MLIP: variants seen among roughly 807,000 people sequenced by gnomAD.
The protein encoded by MLIP is muscular LMNA interacting protein, also known as muscular LMNA-interacting protein.
In MLIP, 79 loss-of-function variants were observed where a neutral mutation model predicts 84.8. That is an observed-to-expected ratio of 0.93 (90% CI 0.78 to 1.12). The LOEUF (loss-of-function observed/expected upper bound fraction) is 1.12. Among genes scored for constraint, MLIP ranks in the 50% most tolerant of loss-of-function variants. The pLI, the probability that MLIP is intolerant of heterozygous loss-of-function variation, is 0.00. For synonymous variants in MLIP, 504 were observed against 463.0 expected (o/e 1.09, Z -1.14); for missense variants, 1,257 against 1,160.6 (o/e 1.08, Z -1.21).
At chr6:54,187,979 C>T (rs1582443033) in intron 9 of MLIP, among the ~76,000 whole-genome samples, 1 of 152,268 alleles carries the variant, frequency 6.6e-6, no homozygotes, top group Admixed American at 6.5e-5. Flanking sequence ...TGCAATCCAG[C>T]CTGGTGACAG....
chr6:54,047,072 T>A (rs1002197856), intron 1 of MLIP: 1 of 152,228 alleles, frequency 6.6e-6, no homozygotes, highest in Non-Finnish European at 1.5e-5. Context: ...ATATTAATGA[T>A]CCTCGAATGA....
rs1200181520 is a variant in MLIP, at chr6:54,078,158, A to G, written c.64-43289A>G. ...TCTTACTGTCATCGATTAGGTTAAC[A>G]GTGTTTGAAAATGGATTTGTAATCA... On this transcript the variant is annotated intron_variant, in intron 1 of 12. Coordinates refer to the MLIP transcript ENST00000274897. Among the ~76,000 whole-genome samples the G allele has an allele frequency of 2.0e-5, 3 of 152,310 alleles. No individual in the cohort carries two copies. In the East Asian group the frequency reaches 5.8e-4, roughly 29 times the overall value.
chr6:54,264,588 G>C (rs1783581750), intron 13 of MLIP, among the ~76,000 whole-genome samples: 1 of 152,078 alleles, frequency 6.6e-6, no homozygotes, highest in Non-Finnish European at 1.5e-5. Flanking sequence ...CACTTAAAAA[G>C]TATTAGCCAA....
chr6:54,197,344 C>G (rs1339813079), intron 10 of MLIP, among the ~76,000 whole-genome samples: 5 of 151,984 alleles, frequency 3.3e-5, no homozygotes, highest in Non-Finnish European at 7.4e-5. Context: ...GGATTGTGAA[C>G]CCTCTGAAAA....
chr6:54,122,027 A>T (rs1372914121), intron 2 of MLIP, among the ~76,000 whole-genome samples: 1 of 152,228 alleles, frequency 6.6e-6, no homozygotes, highest in Non-Finnish European at 1.5e-5. Flanking sequence ...AAATATTGGC[A>T]TGCTTACACT....
intron 1 of MLIP, among the ~76,000 whole-genome samples, chr6:54,086,577 G>A (rs1767504892): frequency 6.6e-6 from 1 of 152,262 alleles, no homozygotes; most frequent in South Asian, 2.1e-4. Context: ...TATTTCAATA[G>A]TTTCTCATCT....
intron 13 of MLIP, among the ~76,000 whole-genome samples, chr6:54,259,737 T>C (rs771530378): frequency 4.1e-4 from 62 of 152,008 alleles, no homozygotes; most frequent in African/African-American, 1.3e-3. Flanking sequence ...TAGTAAAAAA[T>C]GTAAATAATT....
chr6:54,128,465 A>G (rs892303909), intron 3 of MLIP, among the ~76,000 whole-genome samples: 3 of 152,142 alleles, frequency 2.0e-5, no homozygotes, highest in African/African-American at 7.2e-5. Flanking sequence ...GATGTCTGAG[A>G]GAGTGGTTTT....
chr6:54,208,407 G>C (rs921723780), intron 11 of MLIP, among the ~76,000 whole-genome samples: 35 of 151,770 alleles, frequency 2.3e-4, no homozygotes, highest in African/African-American at 7.7e-4. Context: ...GAAACATAGG[G>C]AGACCACATC....
At chr6:54,148,797 T>C (rs1024079637) in intron 4 of MLIP, among the ~76,000 whole-genome samples, 1 of 152,172 alleles carries the variant, frequency 6.6e-6, no homozygotes, top group Non-Finnish European at 1.5e-5. Context: ...AAAGGAAGTT[T>C]TTAAGCTCTG....
At chr6:54,104,395 T>A (rs1316985276) in intron 1 of MLIP, among the ~76,000 whole-genome samples, 1 of 152,204 alleles carries the variant, frequency 6.6e-6, no homozygotes, top group African/African-American at 2.4e-5. Flanking sequence ...CACTATGGAA[T>A]CTCTGAACAT....
rs1209360978 is a variant in MLIP at position 54,124,862 on chromosome 6, G to A, written c.642G>A (p.Gly214=). The A allele has an allele frequency of 1.3e-6, 2 of 1,576,682 alleles. No individual in the cohort carries two copies. Among genetic ancestry groups the A allele is most frequent in the South Asian group, 2.4e-5 (2 of 84,720 alleles). ...GGATGGCCCCTCAGCAAAAGCATGGGCAGGTAGGTTTTGTGTTCCTGCTGT... is the reference window on the plus strand; with the variant it reads ...GGATGGCCCCTCAGCAAAAGCATGGACAGGTAGGTTTTGTGTTCCTGCTGT... ...LHGMAPQQKH[G]QLTSSPTTSE... The change falls in exon 3 of 14, where the codon GGG becomes GGA. Residue 214 remains glycine (G), a synonymous_variant. Coordinates refer to ENST00000502396, the MANE Select transcript of MLIP (RefSeq NM_001281747.2).
chr6:54,147,818 C>T (rs983929374), intron 4 of MLIP, among the ~76,000 whole-genome samples: 4 of 152,094 alleles, frequency 2.6e-5, no homozygotes, highest in Non-Finnish European at 5.9e-5. Flanking sequence ...GTGTGACTTT[C>T]TATGACACTT....
chr6:54,147,665 G>T (rs1487702168), intron 4 of MLIP, among the ~76,000 whole-genome samples: 2 of 152,080 alleles, frequency 1.3e-5, no homozygotes, highest in Non-Finnish European at 2.9e-5. Flanking sequence ...CGGAGCTCTT[G>T]TGCACGTTTT....
At chr6:54,246,840 C>T (rs537905976) in intron 12 of MLIP, among the ~76,000 whole-genome samples, 9 of 152,150 alleles carry the variant, frequency 5.9e-5, no homozygotes, top group South Asian at 2.1e-4. Flanking sequence ...CTTCCATTGC[C>T]TCCCATCACA....
rs576800811 is a variant in MLIP, at chr6:54,128,317, G to A, written c.645+3452G>A. Among the ~76,000 whole-genome samples, 30 of 152,132 alleles carry A rather than the reference G, an allele frequency of 2.0e-4. No homozygotes were observed. The South Asian group carries it at 6.2e-3, about 32-fold the overall frequency. On this transcript the variant is annotated intron_variant, in intron 3 of 13. Coordinates refer to ENST00000502396, the MANE Select transcript of MLIP (RefSeq NM_001281747.2). ...ATTCGTCATATAAATTAAAGTGATG[G>A]GAATTTACTCAGGGAGAGAAGGTAA...
In MLIP at chr6:54,111,513, G is replaced by A. The variant is rs1462196157; in HGVS notation, c.34G>A (p.Gly12Arg). 4 of 1,535,958 alleles carry A rather than the reference G, an allele frequency of 2.6e-6. No individual in the cohort carries two copies. The highest frequency in any genetic ancestry group is 2.7e-5 in the African/African-American group (2 of 73,124). ...AGAACAGGGGCTTCTGAGTGACTGC[G>A]GGAACAATTACTTCCAAATGACCTC... ...LSEQGLLSDC[G>R]NNYFQMTSCI... is the part of the protein sequence containing the mutation. Residue 12 changes from glycine to arginine, a missense_variant, in exon 1 of 14, where the codon GGG becomes AGG. By Grantham distance (125) the Gly-to-Arg change is moderately radical. Transcript: ENST00000502396.
chr6:54,256,308 C>G (rs1309569276), intron 12 of MLIP, among the ~76,000 whole-genome samples: 2 of 152,172 alleles, frequency 1.3e-5, no homozygotes, highest in African/African-American at 4.8e-5. Flanking sequence ...AGGTTAGAGT[C>G]TTCCCCTGGG....
intron 11 of MLIP, among the ~76,000 whole-genome samples, chr6:54,228,180 CAAAAAAAAAAAAAAA>C (rs869112313): frequency 3.3e-4 from 25 of 75,812 alleles, no homozygotes; most frequent in African/African-American, 9.5e-4. Flanking sequence ...GAGACTGTCT[CAAAAAAAAAAAAAAA>C]AAAAAAAAAA....
Sources: gnomAD v4.1 joint callset for allele counts (sites outside exome capture counted in the v4.1 genomes callset) on GRCh38, gnomAD v4.1.1 for gene constraint, MANE v1.5 for transcripts, NCBI Gene and HGNC (gene_info 2026-07-23, HGNC 2026-07-21) for gene names.